Variants in IL1RAPL1 observed in about 807,000 individuals in gnomAD.
IL1RAPL1 encodes interleukin-1 receptor accessory protein-like 1.
Under a neutral mutation model 48.4 loss-of-function variants are expected in IL1RAPL1, and 3 were observed. The observed-to-expected ratio is 0.06, with a 90% confidence interval of 0.03 to 0.16. The LOEUF is 0.16. Among genes scored for constraint, IL1RAPL1 ranks in the 10% least tolerant of loss-of-function variants. The pLI is 1.00. For synonymous variants in IL1RAPL1, 185 were observed against 187.7 expected (o/e 0.99, Z 0.12); for missense variants, 349 against 530.6 (o/e 0.66, Z 3.36).
intron 5 of IL1RAPL1, among the ~76,000 whole-genome samples, chrX:29,591,232 A>G (rs891349016): frequency 2.7e-5 from 3 of 112,119 alleles, no homozygotes; most frequent in Admixed American, 1.9e-4. Context: ...GAGCTTAGTT[A>G]ATGCTAGGAA....
intron 4 of IL1RAPL1, among the ~76,000 whole-genome samples, chrX:29,398,293 A>G (rs1164474221): frequency 8.9e-6 from 1 of 112,194 alleles, no homozygotes; most frequent in East Asian, 2.8e-4. Context: ...ACATAAAATA[A>G]TGTTCTGCAA....
intron 6 of IL1RAPL1, among the ~76,000 whole-genome samples, chrX:29,905,857 C>T (rs1340189121): frequency 3.6e-5 from 4 of 110,869 alleles, no homozygotes; most frequent in African/African-American, 1.3e-4. Flanking sequence ...TATGAGGGGA[C>T]CAAGCAGATG....
intron 1 of IL1RAPL1, among the ~76,000 whole-genome samples, chrX:28,750,905 C>G (rs1936035123): frequency 8.9e-6 from 1 of 111,747 alleles, no homozygotes; most frequent in African/African-American, 3.2e-5. Context: ...AATTATATTT[C>G]TTAATTTGTC....
chrX:29,242,602 T>C (rs1931441607), intron 2 of IL1RAPL1, among the ~76,000 whole-genome samples: 1 of 112,498 alleles, frequency 8.9e-6, no homozygotes, highest in Admixed American at 9.4e-5. Context: ...TTACCAGGTG[T>C]TATAAAGGCT....
chrX:29,593,746 G>A (rs181695222), intron 5 of IL1RAPL1, among the ~76,000 whole-genome samples: 1 of 111,921 alleles, frequency 8.9e-6, no homozygotes, highest in Non-Finnish European at 1.9e-5. Context: ...ATCTGTATGA[G>A]TATCATGATT....
intron 5 of IL1RAPL1, among the ~76,000 whole-genome samples, chrX:29,498,673 A>G: frequency 9.0e-6 from 1 of 111,512 alleles, no homozygotes; most frequent in Non-Finnish European, 1.9e-5. Context: ...CAAATATTGA[A>G]TATGTCATTA....
chrX:28,995,128 T>C lies in IL1RAPL1; in HGVS notation c.82+205703T>C, dbSNP rs745473132. On this transcript the variant is annotated intron_variant, in intron 2 of 10. Coordinates refer to ENST00000378993, the MANE Select transcript of IL1RAPL1 (RefSeq NM_014271.4). Reference sequence around the variant, plus strand: ...AGTCATCAAGCCATTATGTGTCCTTTGTTTTCCTATCAAATGTAGGGGGCA... The same window carrying C: ...AGTCATCAAGCCATTATGTGTCCTTCGTTTTCCTATCAAATGTAGGGGGCA... Among the ~76,000 whole-genome samples the C allele has an allele frequency of 2.7e-5, 3 of 111,644 alleles. No homozygotes were observed. In the South Asian group the frequency reaches 1.1e-3, roughly 41 times the overall value.
intron 1 of IL1RAPL1, among the ~76,000 whole-genome samples, chrX:28,781,681 A>G (rs1391066998): frequency 9.0e-6 from 1 of 111,269 alleles, no homozygotes; most frequent in Non-Finnish European, 1.9e-5. Flanking sequence ...AGACAATTCT[A>G]CAGGGTGTGG....
intron 2 of IL1RAPL1, among the ~76,000 whole-genome samples, chrX:28,842,331 A>T (rs188163508): frequency 9.0e-6 from 1 of 111,273 alleles, no homozygotes. Context: ...AACTTCTATT[A>T]CTTGTATTTT....
chrX:29,497,249 T>G (rs1392706139), intron 5 of IL1RAPL1, among the ~76,000 whole-genome samples: 2 of 112,089 alleles, frequency 1.8e-5, no homozygotes, highest in East Asian at 2.8e-4. Flanking sequence ...TTTTCCTGTT[T>G]GATTTTTTTG....
At chrX:29,214,917 A>G (rs906999352) in intron 2 of IL1RAPL1, among the ~76,000 whole-genome samples, 3 of 112,292 alleles carry the variant, frequency 2.7e-5, no homozygotes, top group Admixed American at 1.9e-4. Flanking sequence ...TTTTTTCTAA[A>G]TAAGTCCTTA....
chrX:28,755,768 A>G (rs1335636670), intron 1 of IL1RAPL1, among the ~76,000 whole-genome samples: 2 of 111,557 alleles, frequency 1.8e-5, no homozygotes, highest in Admixed American at 9.5e-5. Flanking sequence ...CTTTTCTTGC[A>G]TTCTCCTATT....
At chrX:29,812,974 A>G (rs1038144554) in intron 6 of IL1RAPL1, among the ~76,000 whole-genome samples, 3 of 111,369 alleles carry the variant, frequency 2.7e-5, no homozygotes, top group African/African-American at 6.5e-5. Flanking sequence ...GAGATGAGCC[A>G]TTTCCTGTAT....
intron 6 of IL1RAPL1, among the ~76,000 whole-genome samples, chrX:29,819,159 A>G (rs913132565): frequency 8.9e-6 from 1 of 111,981 alleles, no homozygotes; most frequent in East Asian, 2.8e-4. Flanking sequence ...GGGCTGTATT[A>G]CAGCAATGAC....
intron 2 of IL1RAPL1, among the ~76,000 whole-genome samples, chrX:28,846,489 A>G (rs1921512563): frequency 9.0e-6 from 1 of 111,587 alleles, no homozygotes; most frequent in Non-Finnish European, 1.9e-5. Flanking sequence ...TCAGTTTTGT[A>G]AGAAACTGCC....
chrX:28,673,374 A>C (rs1304848371), intron 1 of IL1RAPL1, among the ~76,000 whole-genome samples: 1 of 112,174 alleles, frequency 8.9e-6, no homozygotes, highest in Non-Finnish European at 1.9e-5. Context: ...TAAGTGTAAA[A>C]CCCAAAACTA....
rs781635418 is a variant in IL1RAPL1, at chrX:29,911,366, T to C, written c.779-6098T>C. On this transcript the variant is annotated intron_variant, in intron 6 of 10. Coordinates refer to ENST00000378993, the MANE Select transcript of IL1RAPL1 (RefSeq NM_014271.4). ...CTGCCACTTGGTACAGGGTTCCTTTTTGGGGTGATAAAAGTGTCCTAAAAT... is the reference window on the plus strand; with the variant it reads ...CTGCCACTTGGTACAGGGTTCCTTTCTGGGGTGATAAAAGTGTCCTAAAAT... 1.5e-3 allele frequency among the ~76,000 whole-genome samples: 166 copies of C among 111,592 alleles called. 2 individuals are homozygous for C. The highest frequency in any genetic ancestry group is 2.4e-3 in the Non-Finnish European group (125 of 53,018).
intron 4 of IL1RAPL1, 103 bp from the exon 5 acceptor site, chrX:29,399,052 C>A: frequency 3.3e-6 from 2 of 597,131 alleles, no homozygotes; most frequent in Non-Finnish European, 5.4e-6. Context: ...CTTTTTAGTC[C>A]CTTTAAAATG....
chrX:28,937,017 A>G (rs750973061), intron 2 of IL1RAPL1, among the ~76,000 whole-genome samples: 2 of 111,154 alleles, frequency 1.8e-5, no homozygotes, highest in East Asian at 5.7e-4. Context: ...CGTCTAGCAT[A>G]GTCATTTATG....
Sources: allele counts gnomAD v4.1 joint callset (sites outside exome capture counted in the v4.1 genomes callset), GRCh38; gene constraint gnomAD v4.1.1; transcripts MANE v1.5; gene names NCBI Gene and HGNC (gene_info 2026-07-23, HGNC 2026-07-21).